The following ACTR1B variants were observed in gnomAD, a reference collection of about 807,000 sequenced individuals.
The protein encoded by ACTR1B is beta-centractin.
A neutral mutation model predicts 49.4 loss-of-function variants in ACTR1B; 34 were observed. The ratio of observed to expected loss-of-function variants is 0.69; its 90% CI spans 0.52 to 0.92. The LOEUF is 0.92. Among genes scored for constraint, ACTR1B ranks in the 40% least tolerant of loss-of-function variants. The pLI, the probability that ACTR1B is intolerant of heterozygous loss-of-function variation, is 0.00. For synonymous variants in ACTR1B, 207 were observed against 207.8 expected, an observed-to-expected ratio of 1.00 and a Z score of 0.03; for missense variants, 471 against 522.4, an observed-to-expected ratio of 0.90 and a Z score of 0.96.
chr2:97,659,891 C>T lies in ACTR1B; in HGVS notation c.190-414G>A, dbSNP rs1674965892. On this transcript the variant is annotated intron_variant, in intron 3 of 10. Coordinates refer to ENST00000289228, the MANE Select transcript of ACTR1B (RefSeq NM_005735.4). This position sits in a 1 kb window ranked among gnomAD's most constrained non-coding sequence, Gnocchi z 4.0. The stretch of plus-strand genomic sequence containing the variant: ...TGTGCCCCCTGACCTACGCCTCTCC[C>T]CCCAGCCCTTTGGCCGGTCCTCACC... 3 of 266,684 alleles carry T rather than the reference C, an allele frequency of 1.1e-5. No individual in the cohort carries two copies. The highest frequency in any genetic ancestry group is 4.9e-5 in the Admixed American group (1 of 20,472). 16.5% of individuals were successfully genotyped at this position (266,684 alleles called of 1,614,324 possible). A position where few individuals can be genotyped will look rare whatever the true frequency, so the allele number is the denominator to read the frequency against.
chr2:97,663,815 C>A, intron 1 of ACTR1B, 28 bp downstream of exon 1: 1 of 1,362,518 alleles, frequency 7.3e-7, no homozygotes, highest in Middle Eastern at 2.5e-4. Flanking sequence ...GCGGGGCGCC[C>A]GCCCTCCCCC....
At chr2:97,662,306 C>A (rs1414457245) in intron 1 of ACTR1B, among the ~76,000 whole-genome samples, 1 of 152,070 alleles carries the variant, frequency 6.6e-6, no homozygotes, top group Non-Finnish European at 1.5e-5. Context: ...AGAGAAACCA[C>A]GAAGGGCACC....
Position 97,656,975 on chromosome 2 carries a change from G to C in ACTR1B, c.1029-15C>G. On this transcript the variant is annotated splice_polypyrimidine_tract_variant and intron_variant, in intron 10 of 10. Transcript: ENST00000289228. Reference sequence around the variant, plus strand: ...GGATGGAGCCGCTGTGGGGATGGAGGGATAGTATTGCTGTGGACCTGTCAG... The same window carrying C: ...GGATGGAGCCGCTGTGGGGATGGAGCGATAGTATTGCTGTGGACCTGTCAG... 1.9e-6 allele frequency: 3 copies of C among 1,587,090 alleles called. No homozygotes were observed. The highest frequency in any genetic ancestry group is 2.6e-6 in the Non-Finnish European group (3 of 1,165,580).
Position 97,663,989 on chromosome 2 carries a change from C to T in ACTR1B, c.-99G>A, listed in dbSNP as rs1434423831. 4.3e-6 allele frequency: 3 copies of T among 701,664 alleles called. No homozygotes were observed. The highest frequency in any genetic ancestry group is 5.9e-5 in the South Asian group (1 of 16,976). The allele number at this position is 701,664 out of a possible 1,614,324, so 43.5% of individuals were successfully genotyped here. A position where few individuals can be genotyped will look rare whatever the true frequency, so the allele number is the denominator to read the frequency against. ...GGGACGGCGGCGGCTCCCGACGCGG[C>T]GCCGCTGCCCTCCCTCCCCGAGCCT... On this transcript the variant is annotated 5_prime_UTR_variant, in exon 1 of 11. Coordinates refer to ENST00000289228, the MANE Select transcript of ACTR1B (RefSeq NM_005735.4).
At position 97,656,887 on chromosome 2, in the gene ACTR1B, A is replaced by G; in HGVS notation, c.1102T>C (p.Ser368Pro). ...AAAGTTTTGCGATGAATAGCACGGG[A>G]GCCATCCTCTTCATACTCCTTTTTG... is the stretch of plus-strand genomic sequence containing the variant. ...VSKKEYEEDG[S>P]RAIHRKTF The change falls in exon 11 of 11, where the codon TCC becomes CCC. Residue 368 changes from serine to proline, a missense_variant. Ser to Pro is a moderately conservative substitution (Grantham distance 74). Coordinates refer to ENST00000289228, the MANE Select transcript of ACTR1B (RefSeq NM_005735.4). 1 of 1,591,414 alleles carries G rather than the reference A, an allele frequency of 6.3e-7. No homozygotes were observed. The highest frequency in any genetic ancestry group is 1.1e-5 in the South Asian group (1 of 87,318).
chr2:97,659,286 A>T lies in ACTR1B; in HGVS notation c.315+66T>A, dbSNP rs1039575945. 3 of 1,604,942 alleles carry T rather than the reference A, an allele frequency of 1.9e-6. No individual in the cohort carries two copies. The African/African-American group carries it at 4.0e-5, about 21-fold the overall frequency. ...AGGGAAATGTGGGAGCCCGGCGAGG[A>T]GGGACGCAGAGGAGAGGGGCATGGC... On this transcript the variant is annotated intron_variant, in intron 4 of 10. Coordinates refer to ENST00000289228, the MANE Select transcript of ACTR1B (RefSeq NM_005735.4). This position sits in a 1 kb window ranked among gnomAD's most constrained non-coding sequence, Gnocchi z 4.0.
rs1371683678 is a variant in ACTR1B, at chr2:97,664,006, C to T, written c.-116G>A. 4 of 541,770 alleles carry T rather than the reference C, an allele frequency of 7.4e-6. No homozygotes were observed. Among genetic ancestry groups the T allele is most frequent in the Middle Eastern group, 6.4e-4 (1 of 1,554 alleles). The allele number at this position is 541,770 out of a possible 1,614,324, so 33.6% of individuals were successfully genotyped here. ...CGACGCGGCGCCGCTGCCCTCCCTC[C>T]CCGAGCCTGCAGCCTACGCGAGCCC... On this transcript the variant is annotated 5_prime_UTR_variant, in exon 1 of 11. Transcript: ENST00000289228.
At chr2:97,662,737 G>A (rs1161765312) in intron 1 of ACTR1B, among the ~76,000 whole-genome samples, 1 of 152,202 alleles carries the variant, frequency 6.6e-6, no homozygotes, top group Non-Finnish European at 1.5e-5. Context: ...AGGAGGGGAT[G>A]GAATCCCCAA....
Position 97,658,308 on chromosome 2 carries a change from G to A in ACTR1B, c.666C>T (p.Cys222=). ...CCTTCTGTGGGTTGATGGACAGGTA[G>A]CACGCTCGCTGCGGGGACAGGGACA... ...EVVRTIKERA[C]YLSINPQKDE... Residue 222 remains cysteine, a synonymous_variant, in exon 7 of 11, where the codon TGC becomes TGT. Coordinates refer to ENST00000289228, the MANE Select transcript of ACTR1B (RefSeq NM_005735.4). The surrounding 1 kb of genome is among the most constrained non-coding windows in gnomAD (Gnocchi z 5.9). 1 of 1,614,224 alleles carries A rather than the reference G, an allele frequency of 6.2e-7. No homozygotes were observed. Among genetic ancestry groups the A allele is most frequent in the Non-Finnish European group, 8.5e-7 (1 of 1,180,034 alleles).
rs1674926667 is a variant in ACTR1B at position 97,658,665 on chromosome 2, C to T, written c.441-22G>A. On this transcript the variant is annotated intron_variant, in intron 5 of 10. Transcript: ENST00000289228. This position sits in a 1 kb window ranked among gnomAD's most constrained non-coding sequence, Gnocchi z 5.9. ...GTACCTGTCACCAGGTCAGCATCCC[C>T]TCACCTCAGCCACTGAGGCACGGGG... 2 of 1,612,640 alleles carry T rather than the reference C, an allele frequency of 1.2e-6. No homozygotes were observed. The highest frequency in any genetic ancestry group is 1.1e-5 in the South Asian group (1 of 91,068).
Position 97,658,240 on chromosome 2 carries a change from T to C in ACTR1B, c.734A>G (p.Asp245Gly). ...ETEKVQYTLP[D>G]GSTLDVGPAR... ...GCCACTTACATCAAGCGTGCTGCCGTCTGGCAACGTGTACTGCACCTTCTC... is the reference window on the plus strand; with the variant it reads ...GCCACTTACATCAAGCGTGCTGCCGCCTGGCAACGTGTACTGCACCTTCTC... Residue 245 changes from aspartate (D) to glycine (G), a missense_variant, in exon 7 of 11, where the codon GAC becomes GGC. Transcript: ENST00000289228. The surrounding 1 kb of genome is among the most constrained non-coding windows in gnomAD (Gnocchi z 5.9). The C allele has an allele frequency of 6.2e-7, 1 of 1,614,158 alleles. No individual in the cohort carries two copies. Among genetic ancestry groups the C allele is most frequent in the Non-Finnish European group, 8.5e-7 (1 of 1,180,042 alleles).
At chr2:97,663,163 G>T (rs1363256178) in intron 1 of ACTR1B, among the ~76,000 whole-genome samples, 4 of 152,210 alleles carry the variant, frequency 2.6e-5, no homozygotes, top group Non-Finnish European at 5.9e-5. Flanking sequence ...CCCCACTGCT[G>T]AAGGACAAAG....
chr2:97,661,030 G>A (rs979484772), intron 2 of ACTR1B, among the ~76,000 whole-genome samples: 1 of 152,204 alleles, frequency 6.6e-6, no homozygotes, highest in African/African-American at 2.4e-5. Context: ...CCAGGAAGCT[G>A]GGTCGGGGCT....
rs145061650 is a variant in ACTR1B, at chr2:97,657,169, C to T, written c.1011G>A (p.Leu337=). ...KIKISAPQER[L]YSTWIGGSIL... ...CGCCTCACCCAATCCATGTGGAGTACAGCCGTTCCTGCGGGGCTGAGATCT... is the reference window on the plus strand; with the variant it reads ...CGCCTCACCCAATCCATGTGGAGTATAGCCGTTCCTGCGGGGCTGAGATCT... Residue 337 remains leucine, a synonymous_variant, in exon 10 of 11, where the codon CTG becomes CTA. Transcript: ENST00000289228. The T allele has an allele frequency of 1.3e-5, 21 of 1,613,582 alleles. No individual in the cohort carries two copies. Among genetic ancestry groups the T allele is most frequent in the Middle Eastern group, 1.7e-4 (1 of 5,934 alleles).
Position 97,656,774 on chromosome 2 carries a change from G to A in ACTR1B, c.*84C>T. The stretch of plus-strand genomic sequence containing the variant: ...GGGCATGCAGGGGACCCTAAGCCTA[G>A]TATACGAGCCAAGACCAAAAAGGGT... On this transcript the variant is annotated 3_prime_UTR_variant, in exon 11 of 11. Coordinates refer to ENST00000289228, the MANE Select transcript of ACTR1B (RefSeq NM_005735.4). The A allele has an allele frequency of 9.5e-6, 11 of 1,162,782 alleles. No individual in the cohort carries two copies. The highest frequency in any genetic ancestry group is 2.6e-5 in the East Asian group (1 of 39,162). 72.0% of individuals were successfully genotyped at this position (1,162,782 alleles called of 1,614,324 possible).
intron 9 of ACTR1B, 35 bp from the exon 10 acceptor site, chr2:97,657,227 C>A: frequency 6.2e-7 from 1 of 1,607,404 alleles, no homozygotes; most frequent in Non-Finnish European, 8.5e-7. Flanking sequence ...AACTGTGGAT[C>A]CCCACCCAGA....
chr2:97,659,269 G>C lies in ACTR1B; in HGVS notation c.315+83C>G, dbSNP rs2104501675. 1 of 1,590,808 alleles carries C rather than the reference G, an allele frequency of 6.3e-7. No individual in the cohort carries two copies. Among genetic ancestry groups the C allele is most frequent in the East Asian group, 2.2e-5 (1 of 44,672 alleles). Reference sequence around the variant, plus strand: ...CCCTCTAGAAATGTAGAAGGGAAATGTGGGAGCCCGGCGAGGAGGGACGCA... The same window carrying C: ...CCCTCTAGAAATGTAGAAGGGAAATCTGGGAGCCCGGCGAGGAGGGACGCA... On this transcript the variant is annotated intron_variant, in intron 4 of 10. Coordinates refer to ENST00000289228, the MANE Select transcript of ACTR1B (RefSeq NM_005735.4). This position sits in a 1 kb window ranked among gnomAD's most constrained non-coding sequence, Gnocchi z 4.0.
rs144814820 is a variant in ACTR1B at position 97,658,686 on chromosome 2, C to T, written c.441-43G>A. 52 of 1,603,852 alleles carry T rather than the reference C, an allele frequency of 3.2e-5. No homozygotes were observed. The East Asian group carries it at 6.9e-4, about 21-fold the overall frequency. ...TCCCCTCACCTCAGCCACTGAGGCA[C>T]GGGGACCTCCTCACCCAGGGGAGGA... On this transcript the variant is annotated intron_variant, in intron 5 of 10. Coordinates refer to ENST00000289228, the MANE Select transcript of ACTR1B (RefSeq NM_005735.4). This position sits in a 1 kb window ranked among gnomAD's most constrained non-coding sequence, Gnocchi z 5.9.
Position 97,658,259 on chromosome 2 carries a change from C to T in ACTR1B, c.715G>A (p.Val239Met), listed in dbSNP as rs767606853. ...CTGCCGTCTGGCAACGTGTACTGCA[C>T]CTTCTCCGTCTCCAGAGCCTCATCC... ...QKDEALETEK[V>M]QYTLPDGSTL... Residue 239 changes from valine to methionine, a missense_variant, in exon 7 of 11, where the codon GTG (valine) becomes ATG (methionine). By Grantham distance (21) the Val-to-Met change is conservative. Transcript: ENST00000289228. The surrounding 1 kb of genome is among the most constrained non-coding windows in gnomAD (Gnocchi z 5.9). 1.2e-6 allele frequency: 2 copies of T among 1,614,216 alleles called. No individual in the cohort carries two copies. The highest frequency in any genetic ancestry group is 1.7e-6 in the Non-Finnish European group (2 of 1,180,040).
Sources: gnomAD v4.1 joint callset for allele counts (sites outside exome capture counted in the v4.1 genomes callset) on GRCh38, gnomAD v4.1.1 for gene constraint, Gnocchi (gnomAD v3.1) non-coding constraint, MANE v1.5 for transcripts, NCBI Gene and HGNC (gene_info 2026-07-23, HGNC 2026-07-21) for gene names.